VAV3: variants seen among roughly 807,000 people sequenced by gnomAD.
The protein encoded by VAV3 is vav guanine nucleotide exchange factor 3.
VAV3 carries 94 observed loss-of-function variants against 131.2 expected under a neutral mutation model. The ratio of observed to expected loss-of-function variants is 0.72; its 90% CI spans 0.61 to 0.85. VAV3 has a LOEUF of 0.85. Ranked by LOEUF, VAV3 falls within the 40% of genes least tolerant of loss-of-function variation. The pLI is 0.00. For synonymous variants in VAV3, 349 were observed against 342.0 expected (o/e 1.02, Z -0.22); for missense variants, 939 against 1,002.7 (o/e 0.94, Z 0.86).
intron 20 of VAV3, among the ~76,000 whole-genome samples, chr1:107,632,547 G>A (rs955274631): frequency 6.6e-5 from 10 of 152,110 alleles, no homozygotes; most frequent in Non-Finnish European, 1.0e-4. Flanking sequence ...TCTTTGATTG[G>A]CTTAGAAGTA....
chr1:107,759,683 G>A (rs1402500616), intron 10 of VAV3, among the ~76,000 whole-genome samples: 1 of 152,004 alleles, frequency 6.6e-6, no homozygotes, highest in Non-Finnish European at 1.5e-5. Flanking sequence ...AAATTAGGGG[G>A]AACAGTTTAC....
At chr1:107,718,118 C>G (rs557496452) in intron 15 of VAV3, among the ~76,000 whole-genome samples, 6 of 152,128 alleles carry the variant, frequency 3.9e-5, no homozygotes, top group African/African-American at 7.2e-5. Flanking sequence ...TGGGAAAAAA[C>G]TGGAAGCATT....
chr1:107,766,334 G>A, intron 8 of VAV3, 113 bp downstream of exon 8: 1 of 665,848 alleles, frequency 1.5e-6, no homozygotes, highest in Non-Finnish European at 2.6e-6. Flanking sequence ...TCTAATTACT[G>A]CTCAGGTAGT....
intron 2 of VAV3, among the ~76,000 whole-genome samples, chr1:107,839,841 T>G (rs567292609): frequency 1.3e-5 from 2 of 151,916 alleles, no homozygotes; most frequent in Admixed American, 1.3e-4. Context: ...AAAGGAGAGA[T>G]CATTACTACT....
At chr1:107,741,767 C>T (rs1282272508) in intron 15 of VAV3, among the ~76,000 whole-genome samples, 1 of 152,200 alleles carries the variant, frequency 6.6e-6, no homozygotes, top group African/African-American at 2.4e-5. Context: ...TCTGGGCTAA[C>T]CTCTGTCTAC....
intron 23 of VAV3, 71 bp downstream of exon 23, chr1:107,602,976 T>C (rs1651982500): frequency 1.6e-6 from 2 of 1,261,434 alleles, no homozygotes; most frequent in Admixed American, 1.8e-5. Context: ...TTCAGTGTTA[T>C]ACATGTCAGA....
At chr1:107,945,155 A>G (rs1480324977) in intron 1 of VAV3, among the ~76,000 whole-genome samples, 4 of 152,342 alleles carry the variant, frequency 2.6e-5, no homozygotes, top group Admixed American at 2.6e-4. Context: ...AATGCTGGCT[A>G]AGATGAAAAG....
intron 1 of VAV3, among the ~76,000 whole-genome samples, chr1:107,956,187 T>A (rs192491716): frequency 1.9e-3 from 283 of 152,222 alleles, no homozygotes; most frequent in Admixed American, 3.8e-3. Context: ...GAAGCTCTCC[T>A]CCAATTTTGT....
chr1:107,950,565 T>C (rs1388870027), intron 1 of VAV3, among the ~76,000 whole-genome samples: 2 of 152,156 alleles, frequency 1.3e-5, no homozygotes, highest in Admixed American at 1.3e-4. Flanking sequence ...CAGGGGCAAG[T>C]TGCAGTGAAC....
chr1:107,912,452 AG>A, intron 1 of VAV3, among the ~76,000 whole-genome samples: 1 of 152,304 alleles, frequency 6.6e-6, no homozygotes, highest in South Asian at 2.1e-4. Flanking sequence ...ATTTTTAAAA[AG>A]GTCTTAGAAA....
intron 15 of VAV3, among the ~76,000 whole-genome samples, chr1:107,727,140 T>C (rs1010695407): frequency 6.6e-6 from 1 of 152,228 alleles, no homozygotes; most frequent in African/African-American, 2.4e-5. Context: ...CAAAAATAGA[T>C]TACAAATAGT....
Position 107,777,266 on chromosome 1 carries a change from A to C in VAV3, c.411T>G (p.Asp137Glu), listed in dbSNP as rs1570938536. The C allele has an allele frequency of 6.2e-7, 1 of 1,614,136 alleles. No individual in the cohort carries two copies. The highest frequency in any genetic ancestry group is 8.5e-7 in the Non-Finnish European group (1 of 1,180,014). ...CAGGAAGGCCTTTGTAGATGTCTTC[A>C]TCATTAATGCTTTCTTCTGTTGGGA... is the stretch of plus-strand genomic sequence containing the variant. ...RPFPTEESIN[D>E]EDIYKGLPDL... The change falls in exon 4 of 27, where the codon GAT (aspartate) becomes GAG (glutamate). Residue 137 changes from aspartate to glutamate, a missense_variant. Asp to Glu is a conservative substitution (Grantham distance 45). Coordinates refer to ENST00000370056, the MANE Select transcript of VAV3 (RefSeq NM_006113.5).
Position 107,755,312 on chromosome 1 carries a change from C to A in VAV3, c.1173+115G>T, listed in dbSNP as rs761247489. Reference sequence around the variant, plus strand: ...GAACACTGCCAAACAAAGGGACTGGCAACAACCTCCAACAGTAGAAACTTG... The same window carrying A: ...GAACACTGCCAAACAAAGGGACTGGAAACAACCTCCAACAGTAGAAACTTG... On this transcript the variant is annotated intron_variant, in intron 12 of 26. Transcript: ENST00000370056. The A allele has an allele frequency of 1.3e-5, 10 of 792,348 alleles. No homozygotes were observed. In the Admixed American group the frequency reaches 1.7e-4, roughly 14 times the overall value. 49.1% of individuals were successfully genotyped at this position (792,348 alleles called of 1,614,324 possible).
intron 1 of VAV3, among the ~76,000 whole-genome samples, chr1:107,962,438 T>C (rs1038431798): frequency 1.3e-5 from 2 of 152,160 alleles, no homozygotes; most frequent in African/African-American, 2.4e-5. Context: ...GCAGAAAAAA[T>C]GTTTTTCATA....
chr1:107,915,067 C>T (rs1672544583), intron 1 of VAV3, among the ~76,000 whole-genome samples: 1 of 152,170 alleles, frequency 6.6e-6, no homozygotes, highest in Non-Finnish European at 1.5e-5. Flanking sequence ...CAACTAGGGA[C>T]TCACTTGAAT....
chr1:107,754,397 T>C (rs1449132657), intron 12 of VAV3, among the ~76,000 whole-genome samples: 1 of 152,164 alleles, frequency 6.6e-6, no homozygotes, highest in Non-Finnish European at 1.5e-5. Context: ...TTCACAATGT[T>C]TCAGAGAAAG....
At chr1:107,591,267 A>G (rs533215815) in intron 25 of VAV3, among the ~76,000 whole-genome samples, 20 of 152,282 alleles carry the variant, frequency 1.3e-4, no homozygotes, top group Admixed American at 4.6e-4. Context: ...CTTCATAAGG[A>G]TTATCAAAAT....
rs760761295 is a variant in VAV3 at position 107,777,299 on chromosome 1, AG to A, written c.381-4del. 8.7e-6 allele frequency: 14 copies of A among 1,613,538 alleles called. No individual in the cohort carries two copies. The highest frequency in any genetic ancestry group is 5.0e-5 in the Admixed American group (3 of 59,924). ...TGCTTTCTTCTGTTGGGAAGGGCCT[AG>A]GAAGAGGAGAAAAAACAAAAACAAA... On this transcript the variant is annotated splice_polypyrimidine_tract_variant and splice_region_variant and intron_variant, in intron 3 of 26. Coordinates refer to ENST00000370056, the MANE Select transcript of VAV3 (RefSeq NM_006113.5).
intron 1 of VAV3, among the ~76,000 whole-genome samples, chr1:107,902,569 A>G (rs574030435): frequency 6.6e-6 from 1 of 152,162 alleles, no homozygotes; most frequent in African/African-American, 2.4e-5. Context: ...TCTCCATAAT[A>G]TGCATTTATT....
Sources: allele counts gnomAD v4.1 joint callset (sites outside exome capture counted in the v4.1 genomes callset), GRCh38; gene constraint gnomAD v4.1.1; transcripts MANE v1.5; gene names NCBI Gene and HGNC (gene_info 2026-07-23, HGNC 2026-07-21).